Variants in DUOX1 observed in about 807,000 individuals in gnomAD.
The protein encoded by DUOX1 is dual oxidase 1, also known as NADPH thyroid oxidase 1.
A neutral mutation model predicts 181.8 loss-of-function variants in DUOX1; 134 were observed. The observed-to-expected ratio is 0.74, with a 90% confidence interval of 0.64 to 0.85. The LOEUF (loss-of-function observed/expected upper bound fraction) is 0.85. DUOX1 is among the 40% of genes least tolerant of loss of function. The pLI, the probability that DUOX1 is intolerant of heterozygous loss-of-function variation, is 0.00. For missense variants in DUOX1, 1,814 were observed against 2,064.4 expected (o/e 0.88, Z 2.35); for synonymous variants, 798 against 832.5 (o/e 0.96, Z 0.71).
intron 12 of DUOX1, chr15:45,140,412 T>G (rs1037760512): frequency 1.0e-5 from 2 of 191,122 alleles, no homozygotes; most frequent in Admixed American, 1.1e-4. Flanking sequence ...GGTCAAGTGC[T>G]ATTTACACTG....
rs200908616 is a variant in DUOX1, at chr15:45,135,633, C to A, written c.655C>A (p.Pro219Thr). 1,094 of 1,546,000 alleles carry A rather than the reference C, an allele frequency of 7.1e-4. 3 individuals carry two copies. The African/African-American group carries it at 0.012, about 17-fold the overall frequency. The change falls in exon 6 of 34, where the codon CCC becomes ACC. Residue 219 changes from proline to threonine, a missense_variant. Pro to Thr is a conservative substitution (Grantham distance 38). Transcript: ENST00000389037. ...GAACCCCCTGCTCATGTGGGCGGCG[C>A]CCGACCCCGCCACCGGGCAGAACGG... ...SQNPLLMWAA[P>T]DPATGQNGPR...
intron 18 of DUOX1, among the ~76,000 whole-genome samples, chr15:45,146,465 G>A (rs931938691): frequency 6.6e-6 from 1 of 152,180 alleles, no homozygotes; most frequent in South Asian, 2.1e-4. Flanking sequence ...GCTGAGACAC[G>A]AAGGGTGCTG....
chr15:45,161,002 G>A lies in DUOX1; in HGVS notation c.3856+12G>A, dbSNP rs1432435993. On this transcript the variant is annotated intron_variant, in intron 29 of 33. Transcript: ENST00000389037. ...GCTGCTGCCCTCAGGTACCAGCCTG[G>A]CAGGAGATCAGCTTGGTGACACTGA... 1 of 1,613,996 alleles carries A rather than the reference G, an allele frequency of 6.2e-7. No homozygotes were observed. The highest frequency in any genetic ancestry group is 1.7e-5 in the Admixed American group (1 of 60,020).
intron 27 of DUOX1, among the ~76,000 whole-genome samples, chr15:45,154,411 G>A (rs1190211207): frequency 6.6e-6 from 1 of 152,218 alleles, no homozygotes; most frequent in East Asian, 1.9e-4. Flanking sequence ...AGACAGAGGC[G>A]CCTACCCAGT....
rs1214244426 is a variant in DUOX1 at position 45,135,539 on chromosome 15, C to T, written c.561C>T (p.Asp187=). 1.3e-6 allele frequency: 2 copies of T among 1,558,814 alleles called. No homozygotes were observed. Among genetic ancestry groups the T allele is most frequent in the Non-Finnish European group, 1.7e-6 (2 of 1,152,760 alleles). ...AIYGSSHSWS[D]ALRSFSRGQL... The stretch of plus-strand genomic sequence containing the variant: ...ATGGTTCCTCGCATTCCTGGAGCGA[C>T]GCGCTGCGGAGCTTCTCCAGGGGAC... Residue 187 remains aspartate, a synonymous_variant, in exon 6 of 34, where the codon GAC becomes GAT. Coordinates refer to ENST00000389037, the MANE Select transcript of DUOX1 (RefSeq NM_175940.3).
At chr15:45,137,142 G>A (rs546680469) in intron 9 of DUOX1, among the ~76,000 whole-genome samples, 101 of 144,342 alleles carry the variant, frequency 7.0e-4, no homozygotes, top group Non-Finnish European at 1.2e-3. Flanking sequence ...GAGGTCGGGA[G>A]TTAGAGACCA....
chr15:45,137,360 CAAAAAA>C (rs748162336), intron 9 of DUOX1, among the ~76,000 whole-genome samples: 1 of 46,472 alleles, frequency 2.2e-5, no homozygotes, highest in Non-Finnish European at 3.6e-5. Flanking sequence ...AACTCCATCT[CAAAAAA>C]AAAAAAAAAA....
intron 9 of DUOX1, 25 bp downstream of exon 9, chr15:45,136,650 T>C (rs1271797240): frequency 1.2e-6 from 2 of 1,611,488 alleles, no homozygotes; most frequent in Admixed American, 1.7e-5. Context: ...CAAAGGTGTG[T>C]GTGCTGGGAG....
intron 29 of DUOX1, among the ~76,000 whole-genome samples, chr15:45,161,253 A>C (rs1036362326): frequency 1.2e-4 from 18 of 149,896 alleles, no homozygotes; most frequent in Admixed American, 6.6e-4. Context: ...CTCTACCACA[A>C]AAAAAAAATA....
rs1321880083 is a variant in DUOX1 at position 45,152,490 on chromosome 15, T to G, written c.3398T>G (p.Ile1133Ser). 6.2e-7 allele frequency: 1 copy of G among 1,613,990 alleles called. No homozygotes were observed. Residue 1133 changes from isoleucine (I) to serine (S), a missense_variant, in exon 25 of 34, where the codon ATT becomes AGT. By Grantham distance (142) the Ile-to-Ser change is moderately radical (BLOSUM62 -2). This residue lies in a region of DUOX1 where 1,064 missense variants were observed against 1,152.9 expected (regional missense o/e 0.92). Transcript: ENST00000389037. ...FDAAVDFHRL[I>S]ASTAIVLTVL... ...GCCGCCGTGGACTTCCATCGCCTCA[T>G]TGCCTCCACCGCCATCGTCCTCACA...
At chr15:45,145,449 A>G (rs1199551667) in intron 18 of DUOX1, among the ~76,000 whole-genome samples, 1 of 152,074 alleles carries the variant, frequency 6.6e-6, no homozygotes, top group Non-Finnish European at 1.5e-5. Flanking sequence ...TTCTTGGGGG[A>G]GTGCAGCTGC....
chr15:45,152,039 G>A lies in DUOX1; in HGVS notation c.3180G>A (p.Leu1060=). 1 of 1,614,014 alleles carries A rather than the reference G, an allele frequency of 6.2e-7. No individual in the cohort carries two copies. The highest frequency in any genetic ancestry group is 8.5e-7 in the Non-Finnish European group (1 of 1,179,954). ...ACGCCATCGCTGGGGGGCTTTTCCT[G>A]GAGAGGGCCTACTGTGAGTGACTTT... ...VFYAIAGGLF[L]ERAYYYAFAA... Residue 1060 remains leucine, a synonymous_variant, in exon 24 of 34, where the codon CTG becomes CTA. Transcript: ENST00000389037.
chr15:45,141,167 A>G, intron 13 of DUOX1, 97 bp downstream of exon 13: 1 of 1,574,516 alleles, frequency 6.4e-7, no homozygotes, highest in Non-Finnish European at 8.7e-7. Flanking sequence ...CTTGATTCCA[A>G]GCCAGCCCAC....
In DUOX1 at chr15:45,134,120, C is replaced by T. The variant is rs760254817; in HGVS notation, c.143-25C>T. Reference sequence around the variant, plus strand: ...CAAGAATGCCCCCTGAAGATTCATCCTTATCCTTACCCCTCCTACCCCAGG... The same window carrying T: ...CAAGAATGCCCCCTGAAGATTCATCTTTATCCTTACCCCTCCTACCCCAGG... On this transcript the variant is annotated intron_variant, in intron 3 of 33. Coordinates refer to ENST00000389037, the MANE Select transcript of DUOX1 (RefSeq NM_175940.3). 3 of 1,548,498 alleles carry T rather than the reference C, an allele frequency of 1.9e-6. No individual in the cohort carries two copies. In the Admixed American group the frequency reaches 6.2e-5, roughly 32 times the overall value.
intron 28 of DUOX1, among the ~76,000 whole-genome samples, chr15:45,160,116 C>T (rs1452761678): frequency 6.6e-6 from 1 of 152,188 alleles, no homozygotes; most frequent in Non-Finnish European, 1.5e-5. Context: ...CATGCCATTG[C>T]ACTCCAGCCT....
rs752915766 is a variant in DUOX1, at chr15:45,134,227, C to G, written c.225C>G (p.Pro75=). 2.5e-6 allele frequency: 4 copies of G among 1,577,686 alleles called. No individual in the cohort carries two copies. The part of the protein sequence containing the change: ...QPLGEPHLPN[P]RDLSNTISRG... ...TGGGAGAACCCCACCTGCCCAACCCCCGAGACCTTAGCAACACCATCTCAA... is the reference window on the plus strand; with the variant it reads ...TGGGAGAACCCCACCTGCCCAACCCGCGAGACCTTAGCAACACCATCTCAA... Residue 75 remains proline (P), a synonymous_variant, in exon 4 of 34, where the codon CCC becomes CCG. Transcript: ENST00000389037.
At chr15:45,163,490 C>T (rs1482232413) in intron 31 of DUOX1, 42 bp from the exon 32 acceptor site, 9 of 1,611,416 alleles carry the variant, frequency 5.6e-6, no homozygotes, top group African/African-American at 4.0e-5. Flanking sequence ...TTTAGGGAGA[C>T]TGAGCTGAGA....
Position 45,153,950 on chromosome 15 carries a change from G to C in DUOX1, c.3525-1G>C. 6.2e-7 allele frequency: 1 copy of C among 1,612,750 alleles called. No individual in the cohort carries two copies. Among genetic ancestry groups the C allele is most frequent in the Non-Finnish European group, 8.5e-7 (1 of 1,178,880 alleles). ...GTCTCTTTGCTGTCCCTTCCACACA[G>C]GTCTGAGCTCCCCCAGAAGTATTAC... On this transcript the variant is annotated splice_acceptor_variant, in intron 26 of 33. Coordinates refer to ENST00000389037, the MANE Select transcript of DUOX1 (RefSeq NM_175940.3). LOFTEE classifies it high-confidence loss of function.
intron 2 of DUOX1, among the ~76,000 whole-genome samples, chr15:45,132,707 C>T (rs1001747972): frequency 6.6e-6 from 1 of 152,182 alleles, no homozygotes; most frequent in Non-Finnish European, 1.5e-5. Flanking sequence ...ACAACTTCTC[C>T]CTTGCCAGAG....
Sources: allele counts gnomAD v4.1 joint callset (sites outside exome capture counted in the v4.1 genomes callset), GRCh38; gene constraint gnomAD v4.1.1; regional missense constraint gnomAD v4.1.1; transcripts MANE v1.5; gene names NCBI Gene and HGNC (gene_info 2026-07-23, HGNC 2026-07-21).